AMIGO1: variants seen among roughly 807,000 people sequenced by gnomAD.
The protein encoded by AMIGO1 is adhesion molecule with Ig like domain 1.
For missense variants in AMIGO1, 361 were observed against 612.3 expected (o/e 0.59, Z 4.33); for synonymous variants, 249 against 266.3 (o/e 0.93, Z 0.63).
rs1417386650 is a variant in AMIGO1 at position 109,508,142 on chromosome 1, C to T, written c.771G>A (p.Lys257=). 1 of 1,614,178 alleles carries T rather than the reference C, an allele frequency of 6.2e-7. No individual in the cohort carries two copies. The highest frequency in any genetic ancestry group is 8.5e-7 in the Non-Finnish European group (1 of 1,180,042). Residue 257 remains lysine, a synonymous_variant, in exon 2 of 2, where the codon AAG becomes AAA. Coordinates refer to ENST00000369864, the MANE Select transcript of AMIGO1 (RefSeq NM_020703.4). The surrounding 1 kb of genome is among the most constrained non-coding windows in gnomAD (Gnocchi z 7.8). ...TCAGGTTGAAGACATTGTGCAGCTTCTTGGAGTTCATGCAGTACAGATCCT... is the reference window on the plus strand; with the variant it reads ...TCAGGTTGAAGACATTGTGCAGCTTTTTGGAGTTCATGCAGTACAGATCCT... ...FQEDLYCMNS[K]KLHNVFNLSF... is the part of the protein sequence containing the mutation.
intron 1 of AMIGO1, 71 bp from the exon 2 acceptor site, chr1:109,509,070 C>T (rs1028654058): frequency 8.5e-6 from 7 of 828,216 alleles, no homozygotes; most frequent in Admixed American, 3.1e-5. Context: ...CCCACTTCCC[C>T]TCCCACCCTT....
At position 109,508,850 on chromosome 1, in the gene AMIGO1, AAGC is replaced by A. The variant is rs1182275826; in HGVS notation, c.60_62del (p.Leu21del). 4.3e-6 allele frequency: 7 copies of A among 1,611,486 alleles called. No individual in the cohort carries two copies. The highest frequency in any genetic ancestry group is 5.9e-6 in the Non-Finnish European group (7 of 1,178,700). The stretch of plus-strand genomic sequence containing the variant: ...CTCGGCCAGCTCTGGCCACCTCAAA[AAGC>A]AGCAGGGACAAGGACGGCAGCAGGA... On this transcript the variant is annotated inframe_deletion, in exon 2 of 2. Transcript: ENST00000369864. This position sits in a 1 kb window ranked among gnomAD's most constrained non-coding sequence, Gnocchi z 7.8.
In AMIGO1 at chr1:109,505,391, T is replaced by C. The variant is rs1316278919; in HGVS notation, c.*2040A>G. 6.6e-6 allele frequency: 1 copy of C among 152,160 alleles called. No homozygotes were observed. Among genetic ancestry groups the C allele is most frequent in the Admixed American group, 6.5e-5 (1 of 15,268 alleles). 9.4% of individuals were successfully genotyped at this position (152,160 alleles called of 1,614,324 possible). ...TTTGAAGAGCCTGGCATGGTCACTG[T>C]CTCTCCTAAAGAGGAATACAATTGT... On this transcript the variant is annotated 3_prime_UTR_variant, in exon 2 of 2. Transcript: ENST00000369864.
Position 109,504,796 on chromosome 1 carries a change from C to G in AMIGO1, c.*2635G>C, listed in dbSNP as rs912943224. The G allele has an allele frequency of 1.3e-5, 2 of 152,166 alleles. No individual in the cohort carries two copies. Among genetic ancestry groups the G allele is most frequent in the African/African-American group, 4.8e-5 (2 of 41,430 alleles). The allele number at this position is 152,166 out of a possible 1,614,324, so 9.4% of individuals were successfully genotyped here. A position where few individuals can be genotyped will look rare whatever the true frequency, so the allele number is the denominator to read the frequency against. On this transcript the variant is annotated 3_prime_UTR_variant, in exon 2 of 2. Transcript: ENST00000369864. ...GTCAGGAGACTTAAGAGCCACAGGG[C>G]CTTTTCTCATTCCCTAAACTGGGTA...
chr1:109,505,522 A>G lies in AMIGO1; in HGVS notation c.*1909T>C, dbSNP rs1265996615. 6.6e-6 allele frequency: 1 copy of G among 152,148 alleles called. No homozygotes were observed. Among genetic ancestry groups the G allele is most frequent in the Non-Finnish European group, 1.5e-5 (1 of 68,024 alleles). The allele number at this position is 152,148 out of a possible 1,614,324, so 9.4% of individuals were successfully genotyped here. A position where few individuals can be genotyped will look rare whatever the true frequency, so the allele number is the denominator to read the frequency against. ...AGTCAAGGTGCTGGTGTGCATGCAT[A>G]CCTATAAGCATGCATACCTATGAGC... On this transcript the variant is annotated 3_prime_UTR_variant, in exon 2 of 2. Transcript: ENST00000369864.
Position 109,507,366 on chromosome 1 carries a change from C to A in AMIGO1, c.*65G>T. On this transcript the variant is annotated 3_prime_UTR_variant, in exon 2 of 2. Coordinates refer to ENST00000369864, the MANE Select transcript of AMIGO1 (RefSeq NM_020703.4). The surrounding 1 kb of genome is among the most constrained non-coding windows in gnomAD (Gnocchi z 4.7). ...TGGGCAGCCAGCCCTCTCTTCCATC[C>A]CCTCATATCCTTCAGGGGTGCATTA... 3 of 1,523,426 alleles carry A rather than the reference C, an allele frequency of 2.0e-6. No individual in the cohort carries two copies. Among genetic ancestry groups the A allele is most frequent in the Non-Finnish European group, 2.6e-6 (3 of 1,134,408 alleles). 94.4% of individuals were successfully genotyped at this position (1,523,426 alleles called of 1,614,324 possible).
Position 109,507,826 on chromosome 1 carries a change from A to T in AMIGO1, c.1087T>A (p.Leu363Met), listed in dbSNP as rs368837535. ...SVELKVHNFT[L>M]HGHHDTLNTA... ...TTGAGGGTGTCATGGTGTCCGTGCA[A>T]GGTGAAATTGTGCACTTTCAATTCC... The change falls in exon 2 of 2, where the codon TTG (leucine) becomes ATG (methionine). Residue 363 changes from leucine (L) to methionine (M), a missense_variant. Transcript: ENST00000369864. This position sits in a 1 kb window ranked among gnomAD's most constrained non-coding sequence, Gnocchi z 4.7. 6.2e-7 allele frequency: 1 copy of T among 1,614,156 alleles called. No homozygotes were observed. Among genetic ancestry groups the T allele is most frequent in the Non-Finnish European group, 8.5e-7 (1 of 1,180,038 alleles).
Position 109,504,946 on chromosome 1 carries a change from C to T in AMIGO1, c.*2485G>A, listed in dbSNP as rs1657979293. On this transcript the variant is annotated 3_prime_UTR_variant, in exon 2 of 2. Transcript: ENST00000369864. ...CCCTAGATGGTGCCAAGCGGGGAGA[C>T]TGCAGCATGGAGATGAGATTTTCCC... The T allele has an allele frequency of 6.6e-6, 1 of 152,172 alleles. No homozygotes were observed. The highest frequency in any genetic ancestry group is 6.5e-5 in the Admixed American group (1 of 15,280). The allele number at this position is 152,172 out of a possible 1,614,324, so 9.4% of individuals were successfully genotyped here. A position where few individuals can be genotyped will look rare whatever the true frequency, so the allele number is the denominator to read the frequency against.
At position 109,507,475 on chromosome 1, in the gene AMIGO1, C is replaced by G; in HGVS notation, c.1438G>C (p.Glu480Gln). 6.2e-7 allele frequency: 1 copy of G among 1,613,154 alleles called. No individual in the cohort carries two copies. ...GKGQRRMSDP[E>Q]SVSSVFSDTP... ...TCAGAGAAGACCGAGCTGACTGATT[C>G]TGGATCCGACATCCTCCGTTGGCCC... is the stretch of plus-strand genomic sequence containing the variant. Residue 480 changes from glutamate (E) to glutamine (Q), a missense_variant, in exon 2 of 2, where the codon GAA becomes CAA. By Grantham distance (29) the Glu-to-Gln change is conservative. Transcript: ENST00000369864. This position sits in a 1 kb window ranked among gnomAD's most constrained non-coding sequence, Gnocchi z 4.7.
Position 109,504,912 on chromosome 1 carries a change from T to A in AMIGO1, c.*2519A>T, listed in dbSNP as rs980963288. The A allele has an allele frequency of 6.6e-6, 1 of 152,168 alleles. No individual in the cohort carries two copies. Among genetic ancestry groups the A allele is most frequent in the African/African-American group, 2.4e-5 (1 of 41,416 alleles). 9.4% of individuals were successfully genotyped at this position (152,168 alleles called of 1,614,324 possible). A position where few individuals can be genotyped will look rare whatever the true frequency, so the allele number is the denominator to read the frequency against. On this transcript the variant is annotated 3_prime_UTR_variant, in exon 2 of 2. Transcript: ENST00000369864. ...CTTCATTTAACGCTCACTTTAAAGA[T>A]CTTCAGAGCCCTAGATGGTGCCAAG... is the stretch of plus-strand genomic sequence containing the variant.
Position 109,508,803 on chromosome 1 carries a change from G to C in AMIGO1, c.110C>G (p.Ala37Gly). ...AGRAVVSCPAACLCASNILSC... is the reference protein window; with the variant it reads ...AGRAVVSCPAGCLCASNILSC... The stretch of plus-strand genomic sequence containing the variant: ...GAGGATGTTGCTGGCGCACAAGCAG[G>C]CGGCAGGACAGCTAACCACGGCTCG... The change falls in exon 2 of 2, where the codon GCC (alanine) becomes GGC (glycine). Residue 37 changes from alanine to glycine, a missense_variant. Coordinates refer to ENST00000369864, the MANE Select transcript of AMIGO1 (RefSeq NM_020703.4). The surrounding 1 kb of genome is among the most constrained non-coding windows in gnomAD (Gnocchi z 7.8). The C allele has an allele frequency of 6.2e-7, 1 of 1,614,062 alleles. No homozygotes were observed. The highest frequency in any genetic ancestry group is 1.1e-5 in the South Asian group (1 of 91,070).
In AMIGO1 at chr1:109,505,611, T is replaced by C. The variant is rs1295854361; in HGVS notation, c.*1820A>G. On this transcript the variant is annotated 3_prime_UTR_variant, in exon 2 of 2. Coordinates refer to ENST00000369864, the MANE Select transcript of AMIGO1 (RefSeq NM_020703.4). ...ACAAAACTAGGTTACTAATAAAGGATGGACAGCAGTCTTGAGTTCCCAGGA... is the reference window on the plus strand; with the variant it reads ...ACAAAACTAGGTTACTAATAAAGGACGGACAGCAGTCTTGAGTTCCCAGGA... The C allele has an allele frequency of 2.0e-5, 3 of 152,190 alleles. No homozygotes were observed. The highest frequency in any genetic ancestry group is 2.9e-5 in the Non-Finnish European group (2 of 68,044). 9.4% of individuals were successfully genotyped at this position (152,190 alleles called of 1,614,324 possible).
chr1:109,507,449 A>T lies in AMIGO1; in HGVS notation c.1464T>A (p.Asp488Glu). ...DPESVSSVFSDTPIVV is the reference protein window; with the variant it reads ...DPESVSSVFSETPIVV ...ATCCTGCTCACACCACAATGGGCGT[A>T]TCAGAGAAGACCGAGCTGACTGATT... The change falls in exon 2 of 2, where the codon GAT becomes GAA. Residue 488 changes from aspartate to glutamate, a missense_variant. By Grantham distance (45) the Asp-to-Glu change is conservative. Transcript: ENST00000369864. The surrounding 1 kb of genome is among the most constrained non-coding windows in gnomAD (Gnocchi z 4.7). 1 of 1,607,758 alleles carries T rather than the reference A, an allele frequency of 6.2e-7. No homozygotes were observed. The highest frequency in any genetic ancestry group is 8.5e-7 in the Non-Finnish European group (1 of 1,176,188).
At position 109,507,159 on chromosome 1, in the gene AMIGO1, C is replaced by CA. The variant is rs1557887426; in HGVS notation, c.*271dup. 1 of 407,806 alleles carries CA rather than the reference C, an allele frequency of 2.5e-6. No homozygotes were observed. Among genetic ancestry groups the CA allele is most frequent in the East Asian group, 4.2e-5 (1 of 23,644 alleles). The allele number at this position is 407,806 out of a possible 1,614,324, so 25.3% of individuals were successfully genotyped here. A position where few individuals can be genotyped will look rare whatever the true frequency, so the allele number is the denominator to read the frequency against. On this transcript the variant is annotated 3_prime_UTR_variant, in exon 2 of 2. Transcript: ENST00000369864. This position sits in a 1 kb window ranked among gnomAD's most constrained non-coding sequence, Gnocchi z 4.7. ...ACTCCTTCCTCATTCCCATCCAACT[C>CA]AGACATGCTTCTCTTCCTCTACCAC... is the stretch of plus-strand genomic sequence containing the variant.
rs779480021 is a variant in AMIGO1, at chr1:109,508,006, T to C, written c.907A>G (p.Thr303Ala). 5.0e-6 allele frequency: 8 copies of C among 1,614,068 alleles called. No homozygotes were observed. The East Asian group carries it at 1.6e-4, about 31-fold the overall frequency. ...TCTAGCACCCGTTCATTACTTGGTG[T>C]CACCCACACCTTGGTCATCCCTTGC... ...KQQGMTKVWV[T>A]PSNERVLDEV... Residue 303 changes from threonine to alanine, a missense_variant, in exon 2 of 2, where the codon ACA (threonine) becomes GCA (alanine). Coordinates refer to ENST00000369864, the MANE Select transcript of AMIGO1 (RefSeq NM_020703.4). This position sits in a 1 kb window ranked among gnomAD's most constrained non-coding sequence, Gnocchi z 7.8.
Position 109,508,025 on chromosome 1 carries a change from C to T in AMIGO1, c.888G>A (p.Gly296=), listed in dbSNP as rs1486160664. The T allele has an allele frequency of 6.2e-7, 1 of 1,613,990 alleles. No individual in the cohort carries two copies. Among genetic ancestry groups the T allele is most frequent in the Admixed American group, 1.7e-5 (1 of 59,980 alleles). Residue 296 remains glycine (G), a synonymous_variant, in exon 2 of 2, where the codon GGG becomes GGA. Coordinates refer to ENST00000369864, the MANE Select transcript of AMIGO1 (RefSeq NM_020703.4). The surrounding 1 kb of genome is among the most constrained non-coding windows in gnomAD (Gnocchi z 7.8). ...TTGGTGTCACCCACACCTTGGTCAT[C>T]CCTTGCTGCTTGGTGTCACACTTGA... is the stretch of plus-strand genomic sequence containing the variant. ...LIIKCDTKQQ[G]MTKVWVTPSN... is the part of the protein sequence containing the mutation.
intron 1 of AMIGO1, 43 bp from the exon 2 acceptor site, chr1:109,509,042 G>A: frequency 1.8e-6 from 2 of 1,095,566 alleles, no homozygotes; most frequent in African/African-American, 1.6e-5. Context: ...AAGGACTCCA[G>A]AGGGAAGGAC....
Position 109,507,426 on chromosome 1 carries a change from C to T in AMIGO1, c.*5G>A. ...GGGCAGAATCTCCCCACCAACCCAT[C>T]CTGCTCACACCACAATGGGCGTATC... On this transcript the variant is annotated 3_prime_UTR_variant, in exon 2 of 2. Transcript: ENST00000369864. This position sits in a 1 kb window ranked among gnomAD's most constrained non-coding sequence, Gnocchi z 4.7. 6.3e-7 allele frequency: 1 copy of T among 1,589,718 alleles called. No individual in the cohort carries two copies. Among genetic ancestry groups the T allele is most frequent in the East Asian group, 2.2e-5 (1 of 44,648 alleles).
Position 109,507,362 on chromosome 1 carries a change from C to A in AMIGO1, c.*69G>T, listed in dbSNP as rs1378255204. On this transcript the variant is annotated 3_prime_UTR_variant, in exon 2 of 2. Coordinates refer to ENST00000369864, the MANE Select transcript of AMIGO1 (RefSeq NM_020703.4). The surrounding 1 kb of genome is among the most constrained non-coding windows in gnomAD (Gnocchi z 4.7). ...CCCTTGGGCAGCCAGCCCTCTCTTCCATCCCCTCATATCCTTCAGGGGTGC... is the reference window on the plus strand; with the variant it reads ...CCCTTGGGCAGCCAGCCCTCTCTTCAATCCCCTCATATCCTTCAGGGGTGC... 5.3e-6 allele frequency: 8 copies of A among 1,519,864 alleles called. No individual in the cohort carries two copies. The highest frequency in any genetic ancestry group is 7.1e-6 in the Non-Finnish European group (8 of 1,131,248). The allele number at this position is 1,519,864 out of a possible 1,614,324, so 94.1% of individuals were successfully genotyped here.
Sources: gnomAD v4.1 joint callset for allele counts on GRCh38, gnomAD v4.1.1 for gene constraint, Gnocchi (gnomAD v3.1) non-coding constraint, MANE v1.5 for transcripts, NCBI Gene and HGNC (gene_info 2026-07-23, HGNC 2026-07-21) for gene names.